Variants in TNS3 observed in about 807,000 individuals in gnomAD.
TNS3 encodes tensin 3.
TNS3 carries 45 observed loss-of-function variants against 140.9 expected under a neutral mutation model. The ratio of observed to expected loss-of-function variants is 0.32; its 90% CI spans 0.25 to 0.41. The LOEUF (loss-of-function observed/expected upper bound fraction) is 0.41. Ranked by LOEUF, TNS3 falls within the 10% of genes least tolerant of loss-of-function variation. The pLI, the probability that TNS3 is intolerant of heterozygous loss-of-function variation, is 1.00. For synonymous variants in TNS3, 815 were observed against 788.4 expected (o/e 1.03, Z -0.56); for missense variants, 1,716 against 1,906.7 (o/e 0.90, Z 1.86).
intron 1 of TNS3, among the ~76,000 whole-genome samples, chr7:47,542,385 GTCCAA>G (rs1799811518): frequency 6.6e-6 from 1 of 152,138 alleles, no homozygotes; most frequent in Admixed American, 6.5e-5. Flanking sequence ...GGGGTGGAGA[GTCCAA>G]ATCCTTAGTC....
At chr7:47,513,293 T>C (rs1255338946) in intron 2 of TNS3, among the ~76,000 whole-genome samples, 1 of 152,106 alleles carries the variant, frequency 6.6e-6, no homozygotes, top group Non-Finnish European at 1.5e-5. Flanking sequence ...CCTCAGCCTC[T>C]AGGGTAGCTG....
At chr7:47,547,481 A>G (rs749780524) in intron 1 of TNS3, among the ~76,000 whole-genome samples, 10 of 152,078 alleles carry the variant, frequency 6.6e-5, no homozygotes, top group Non-Finnish European at 1.5e-4. Context: ...AGACACTTTT[A>G]TCAATGGGGT....
intron 4 of TNS3, among the ~76,000 whole-genome samples, chr7:47,455,071 C>T (rs1584698654): frequency 6.6e-6 from 1 of 152,176 alleles, no homozygotes; most frequent in African/African-American, 2.4e-5. Flanking sequence ...CAAGGACAGC[C>T]CCACCAAACC....
At chr7:47,420,714 T>C (rs1288535643) in intron 10 of TNS3, among the ~76,000 whole-genome samples, 1 of 152,216 alleles carries the variant, frequency 6.6e-6, no homozygotes, top group Admixed American at 6.5e-5. Context: ...CGTACTTTCC[T>C]TTCTTTCTTG....
chr7:47,581,747 C>CGGGACTCCTGCCGAG (rs1784539661), intron 1 of TNS3: 1 of 151,438 alleles, frequency 6.6e-6, no homozygotes. Flanking sequence ...GCCCCCGCCC[C>CGGGACTCCTGCCGAG]CCACGCGCCG....
chr7:47,495,236 G>A (rs1298576293), intron 3 of TNS3, among the ~76,000 whole-genome samples: 3 of 150,738 alleles, frequency 2.0e-5, no homozygotes, highest in African/African-American at 7.3e-5. Flanking sequence ...CCCATGGAAC[G>A]TGAAGCCATG....
chr7:47,370,533 T>C (rs528300852), intron 16 of TNS3, among the ~76,000 whole-genome samples: 1 of 152,206 alleles, frequency 6.6e-6, no homozygotes, highest in East Asian at 1.9e-4. Context: ...AAGCATCAGC[T>C]GCTATTATTA....
At chr7:47,519,273 C>T (rs993476632) in intron 2 of TNS3, among the ~76,000 whole-genome samples, 3 of 137,878 alleles carry the variant, frequency 2.2e-5, no homozygotes, top group Non-Finnish European at 4.7e-5. Context: ...ACACAAGGCA[C>T]GGGTGCAAAG....
chr7:47,303,179 T>C lies in TNS3; in HGVS notation c.3228A>G (p.Gly1076=). The C allele has an allele frequency of 6.2e-7, 1 of 1,613,586 alleles. No individual in the cohort carries two copies. Among genetic ancestry groups the C allele is most frequent in the Non-Finnish European group, 8.5e-7 (1 of 1,179,970 alleles). The part of the protein sequence containing the change: ...LSHNFLTVAP[G]HSSHHSPGLQ... ...GGCCTGGACTGTGGTGGCTGCTGTG[T>C]CCAGGCGCCACCGTGAGAAAGTTGT... The change falls in exon 22 of 31, where the codon GGA becomes GGG. Residue 1076 remains glycine, a synonymous_variant. Transcript: ENST00000311160.
At chr7:47,400,275 A>T in intron 15 of TNS3, 118 bp downstream of exon 15, 1 of 850,092 alleles carries the variant, frequency 1.2e-6, no homozygotes, top group Non-Finnish European at 1.9e-6. Flanking sequence ...AAAATTAATC[A>T]CAGAAATCTC....
chr7:47,418,715 T>G (rs749711893), intron 10 of TNS3, among the ~76,000 whole-genome samples: 1 of 152,234 alleles, frequency 6.6e-6, no homozygotes, highest in Non-Finnish European at 1.5e-5. Flanking sequence ...CAAACGAACA[T>G]AAAAGCAGCT....
At chr7:47,557,750 A>G (rs1389972840) in intron 1 of TNS3, among the ~76,000 whole-genome samples, 1 of 152,196 alleles carries the variant, frequency 6.6e-6, no homozygotes. Context: ...GGTGGCCACT[A>G]GCATGTAGTG....
Position 47,345,177 on chromosome 7 carries a change from T to C in TNS3, c.2452-139A>G, listed in dbSNP as rs951491438. ...ACAGTAGGACAAGGAGGCTGAGGTC[T>C]GGATCCACTGCACAAAACCAGCCCG... On this transcript the variant is annotated intron_variant, in intron 18 of 30. Transcript: ENST00000311160. 6 of 653,222 alleles carry C rather than the reference T, an allele frequency of 9.2e-6. No homozygotes were observed. In the African/African-American group the frequency reaches 1.1e-4, roughly 12 times the overall value. 40.5% of individuals were successfully genotyped at this position (653,222 alleles called of 1,614,324 possible).
Position 47,405,084 on chromosome 7 carries a change from T to G in TNS3, c.724-4170A>C, listed in dbSNP as rs115949992. ...AAGACACTGATGACTTGCTTAACTT[T>G]AGGCCACATAAGTGTATTTTTATTT... On this transcript the variant is annotated intron_variant, in intron 13 of 30. Coordinates refer to ENST00000311160, the MANE Select transcript of TNS3 (RefSeq NM_022748.12). Among the ~76,000 whole-genome samples the G allele has an allele frequency of 6.3e-3, 960 of 152,198 alleles. 5 individuals carry two copies. Among genetic ancestry groups the G allele is most frequent in the African/African-American group, 0.021 (890 of 41,524 alleles).
At chr7:47,409,888 A>G (rs1457916721) in intron 13 of TNS3, among the ~76,000 whole-genome samples, 2 of 152,034 alleles carry the variant, frequency 1.3e-5, no homozygotes, top group Non-Finnish European at 2.9e-5. Flanking sequence ...CGATCTCCTG[A>G]CCTCGTGATC....
intron 4 of TNS3, among the ~76,000 whole-genome samples, chr7:47,466,609 G>A (rs1796726447): frequency 1.3e-5 from 2 of 152,218 alleles, no homozygotes; most frequent in Admixed American, 1.3e-4. Flanking sequence ...TGGATCTGAG[G>A]CTGGGTCTGA....
chr7:47,519,706 TGATAGGG>T (rs1401270305), intron 2 of TNS3, among the ~76,000 whole-genome samples: 1 of 150,814 alleles, frequency 6.6e-6, no homozygotes, highest in Non-Finnish European at 1.5e-5. Context: ...GGGGCGAGGG[TGATAGGG>T]GATCCTGCCT....
intron 1 of TNS3, among the ~76,000 whole-genome samples, chr7:47,557,340 A>C (rs1800222027): frequency 6.6e-6 from 1 of 152,158 alleles, no homozygotes; most frequent in Non-Finnish European, 1.5e-5. Flanking sequence ...AGAACCATCA[A>C]ACCTGCCTGC....
chr7:47,576,623 C>T (rs1208464375), intron 1 of TNS3, among the ~76,000 whole-genome samples: 1 of 152,212 alleles, frequency 6.6e-6, no homozygotes, highest in Non-Finnish European at 1.5e-5. Flanking sequence ...AGAGCCAGCC[C>T]GGCGCTCCAG....
Sources: gnomAD v4.1 joint callset for allele counts (sites outside exome capture counted in the v4.1 genomes callset) on GRCh38, gnomAD v4.1.1 for gene constraint, MANE v1.5 for transcripts, NCBI Gene and HGNC (gene_info 2026-07-23, HGNC 2026-07-21) for gene names.